The following COL8A1 variants were observed in gnomAD, a reference collection of about 807,000 sequenced individuals.
COL8A1 encodes the protein collagen alpha-1(VIII) chain.
Under a neutral mutation model 42.7 loss-of-function variants are expected in COL8A1, and 21 were observed. The observed-to-expected ratio is 0.49, with a 90% CI of 0.35 to 0.71. The LOEUF (loss-of-function observed/expected upper bound fraction) is 0.71. COL8A1 is among the 30% of genes least tolerant of loss of function. The pLI is 0.01. For missense variants in COL8A1, 788 were observed against 962.4 expected (o/e 0.82, Z 2.40); for synonymous variants, 367 against 369.1 (o/e 0.99, Z 0.06).
intron 1 of COL8A1, among the ~76,000 whole-genome samples, chr3:99,694,182 C>T (rs187697128): frequency 4.1e-4 from 63 of 152,168 alleles, no homozygotes; most frequent in African/African-American, 1.4e-3. Flanking sequence ...GATAATTGTA[C>T]TTAGAACAAA....
intron 1 of COL8A1, among the ~76,000 whole-genome samples, chr3:99,642,359 G>A (rs1441732931): frequency 6.6e-6 from 1 of 152,162 alleles, no homozygotes; most frequent in East Asian, 1.9e-4. Context: ...GAAGTCGTGT[G>A]TACTCAAATT....
intron 2 of COL8A1, among the ~76,000 whole-genome samples, chr3:99,750,883 A>C (rs1395766774): frequency 1.3e-5 from 2 of 152,156 alleles, no homozygotes; most frequent in Non-Finnish European, 2.9e-5. Flanking sequence ...TACCTCTTTC[A>C]CCTTAAAACA....
rs1553682062 is a variant in COL8A1, at chr3:99,773,815, G to GTATATA, written c.-3-16847_-3-16842dup. 3.1e-4 allele frequency among the ~76,000 whole-genome samples: 11 copies of GTATATA among 35,914 alleles called. 2 individuals carry two copies. Among genetic ancestry groups the GTATATA allele is most frequent in the African/African-American group, 8.6e-4 (8 of 9,264 alleles). The allele number at this position is 35,914 out of a possible 152,430, so 23.6% of individuals were successfully genotyped here. A position where few individuals can be genotyped will look rare whatever the true frequency, so the allele number is the denominator to read the frequency against. On this transcript the variant is annotated intron_variant, in intron 2 of 3. Coordinates refer to ENST00000652472, the MANE Select transcript of COL8A1 (RefSeq NM_020351.4). Reference sequence around the variant, plus strand: ...TAAGTAGATGATTATATATATGTGTGTATATATATATATATATATATATTT... The same window carrying GTATATA: ...TAAGTAGATGATTATATATATGTGTGTATATATATATATATATATATATATATATTT...
intron 1 of COL8A1, among the ~76,000 whole-genome samples, chr3:99,647,348 C>G (rs640273): frequency 1.3e-5 from 2 of 152,122 alleles, no homozygotes; most frequent in Non-Finnish European, 2.9e-5. Flanking sequence ...GAATGTCACT[C>G]TAAGATATGT....
At position 99,795,304 on chromosome 3, in the gene COL8A1, G is replaced by A. The variant is rs1408007293; in HGVS notation, c.1403G>A (p.Gly468Asp). The A allele has an allele frequency of 6.2e-7, 1 of 1,610,086 alleles. No individual in the cohort carries two copies. The highest frequency in any genetic ancestry group is 1.3e-5 in the African/African-American group (1 of 74,922). ...CCCAAGGGGGAAGCTGGGCAAAAAGGTGTACCAGGACTCCCTGGTGTTCCA... is the reference window on the plus strand; with the variant it reads ...CCCAAGGGGGAAGCTGGGCAAAAAGATGTACCAGGACTCCCTGGTGTTCCA... ...IGPKGEAGQK[G>D]VPGLPGVPGL... Residue 468 changes from glycine (G) to aspartate (D), a missense_variant, in exon 4 of 4, where the codon GGT becomes GAT. Physicochemically the swap from Gly to Asp is moderately conservative, Grantham distance 94. Around this residue, in one of 4 missense-constraint regions of COL8A1, gnomAD observed 154 missense variants for 182.3 expected, o/e 0.84. Transcript: ENST00000652472.
chr3:99,696,087 T>C (rs1939358740), intron 1 of COL8A1, among the ~76,000 whole-genome samples: 1 of 152,082 alleles, frequency 6.6e-6, no homozygotes, highest in African/African-American at 2.4e-5. Context: ...TGAGCCAAGA[T>C]TGCACCACTG....
intron 1 of COL8A1, among the ~76,000 whole-genome samples, chr3:99,744,377 C>G (rs1266815117): frequency 6.6e-6 from 1 of 152,166 alleles, no homozygotes; most frequent in East Asian, 1.9e-4. Context: ...AGAGAACTTA[C>G]AAAGTTTATT....
Position 99,795,550 on chromosome 3 carries a change from T to C in COL8A1, c.1649T>C (p.Leu550Pro). ...LHGPPGKPGA[L>P]GPQGQPGLPG... ...GGCCCCCCAGGGAAGCCTGGTGCCC[T>C]TGGTCCTCAAGGCCAGCCTGGCCTT... The change falls in exon 4 of 4, where the codon CTT (leucine) becomes CCT (proline). Residue 550 changes from leucine to proline, a missense_variant. Transcript: ENST00000652472. The C allele has an allele frequency of 1.2e-6, 2 of 1,608,070 alleles. No individual in the cohort carries two copies. Among genetic ancestry groups the C allele is most frequent in the Non-Finnish European group, 8.5e-7 (1 of 1,177,162 alleles).
intron 1 of COL8A1, among the ~76,000 whole-genome samples, chr3:99,667,090 G>A (rs752543623): frequency 2.6e-5 from 4 of 152,084 alleles, no homozygotes; most frequent in African/African-American, 4.8e-5. Flanking sequence ...TAACTTGCAC[G>A]GCATGTGGTT....
At chr3:99,739,464 C>T (rs1435881608) in intron 1 of COL8A1, among the ~76,000 whole-genome samples, 4 of 152,234 alleles carry the variant, frequency 2.6e-5, no homozygotes, top group African/African-American at 7.2e-5. Context: ...ATGAGGGCCT[C>T]GCCCCTGCAG....
At chr3:99,787,857 T>TACACACACACACACACACACAC (rs76817799) in intron 2 of COL8A1, among the ~76,000 whole-genome samples, 1 of 148,790 alleles carries the variant, frequency 6.7e-6, no homozygotes, top group African/African-American at 2.5e-5. Context: ...AGAACACAAA[T>TACACACACACACACACACACAC]ACACACACAC....
At chr3:99,667,377 A>G (rs1938397956) in intron 1 of COL8A1, among the ~76,000 whole-genome samples, 1 of 152,228 alleles carries the variant, frequency 6.6e-6, no homozygotes, top group Non-Finnish European at 1.5e-5. Context: ...AATATCAGGA[A>G]GATTTATCTT....
chr3:99,653,129 C>T (rs1937901988), intron 1 of COL8A1, among the ~76,000 whole-genome samples: 1 of 152,172 alleles, frequency 6.6e-6, no homozygotes, highest in South Asian at 2.1e-4. Flanking sequence ...TCAGAAGGTG[C>T]TCAATAAAAG....
chr3:99,673,117 C>T (rs1404226297), intron 1 of COL8A1, among the ~76,000 whole-genome samples: 1 of 151,968 alleles, frequency 6.6e-6, no homozygotes, highest in African/African-American at 2.4e-5. Context: ...ATATATACCT[C>T]AAGTGTACAA....
intron 1 of COL8A1, among the ~76,000 whole-genome samples, chr3:99,699,313 T>G (rs1420683960): frequency 6.6e-6 from 1 of 152,228 alleles, no homozygotes; most frequent in Non-Finnish European, 1.5e-5. Context: ...ACATTTACTT[T>G]AGGTTATCTA....
chr3:99,715,752 C>T (rs889059277), intron 1 of COL8A1, among the ~76,000 whole-genome samples: 3 of 151,848 alleles, frequency 2.0e-5, no homozygotes, highest in African/African-American at 7.3e-5. Flanking sequence ...AAAGACATGG[C>T]TTTTTATTTT....
intron 2 of COL8A1, among the ~76,000 whole-genome samples, chr3:99,748,612 C>T (rs2107410539): frequency 6.6e-6 from 1 of 152,272 alleles, no homozygotes; most frequent in African/African-American, 2.4e-5. Context: ...CCCTATGCGA[C>T]AGCACTGACC....
At position 99,640,817 on chromosome 3, in the gene COL8A1, C is replaced by A. The variant is rs527545560; in HGVS notation, c.-129+2153C>A. Among the ~76,000 whole-genome samples, 3 of 152,228 alleles carry A rather than the reference C, an allele frequency of 2.0e-5. No individual in the cohort carries two copies. In the South Asian group the frequency reaches 6.2e-4, roughly 32 times the overall value. On this transcript the variant is annotated intron_variant, in intron 1 of 3. Transcript: ENST00000652472. Reference sequence around the variant, plus strand: ...TCATGTAGTCGCCCCCAAATCTCCCCTTCTGCATGGGATGTGGATACTTCA... The same window carrying A: ...TCATGTAGTCGCCCCCAAATCTCCCATTCTGCATGGGATGTGGATACTTCA...
chr3:99,661,362 A>G (rs1012461127), intron 1 of COL8A1, among the ~76,000 whole-genome samples: 10 of 152,204 alleles, frequency 6.6e-5, no homozygotes, highest in African/African-American at 2.4e-4. Context: ...AATATGTTCA[A>G]CTTCACTAAT....
Sources: gnomAD v4.1 joint callset for allele counts (sites outside exome capture counted in the v4.1 genomes callset) on GRCh38, gnomAD v4.1.1 for gene constraint, gnomAD v4.1.1 regional missense constraint, MANE v1.5 for transcripts, NCBI Gene and HGNC (gene_info 2026-07-23, HGNC 2026-07-21) for gene names.